The following NSMCE1 variants were observed in gnomAD, a reference collection of about 807,000 sequenced individuals.
NSMCE1 encodes NSE1 component of SMC5/6 complex.
Under a neutral mutation model 29.6 loss-of-function variants are expected in NSMCE1, and 18 were observed. The observed-to-expected ratio is 0.61, with a 90% CI of 0.42 to 0.90. The LOEUF (loss-of-function observed/expected upper bound fraction) is 0.90. NSMCE1 is among the 40% of genes least tolerant of loss of function. The pLI is 0.00. For missense variants in NSMCE1, 314 were observed against 343.6 expected, an observed-to-expected ratio of 0.91 and a Z score of 0.68; for synonymous variants, 124 against 133.4, an observed-to-expected ratio of 0.93 and a Z score of 0.49.
intron 2 of NSMCE1, among the ~76,000 whole-genome samples, chr16:27,249,605 C>T (rs2084000229): frequency 6.6e-6 from 1 of 152,202 alleles, no homozygotes; most frequent in Non-Finnish European, 1.5e-5. Context: ...TTATCTAGCT[C>T]TCTTATTTTT....
In NSMCE1 at chr16:27,232,242, A is replaced by C. The variant is rs997975991; in HGVS notation, c.483+759T>G. ...ACACACATGGGCACAAGCACCTGGG[A>C]GGCACAGCTGTGGTCAACTCGGCAA... On this transcript the variant is annotated intron_variant, in intron 5 of 7. Transcript: ENST00000361439. The surrounding 1 kb of genome is among the most constrained non-coding windows in gnomAD (Gnocchi z 4.5). Among the ~76,000 whole-genome samples, 1 of 152,186 alleles carries C rather than the reference A, an allele frequency of 6.6e-6. No individual in the cohort carries two copies. The highest frequency in any genetic ancestry group is 1.5e-5 in the Non-Finnish European group (1 of 68,028).
intron 1 of NSMCE1, among the ~76,000 whole-genome samples, chr16:27,267,505 C>T (rs897839076): frequency 9.9e-5 from 15 of 152,026 alleles, no homozygotes; most frequent in Non-Finnish European, 1.6e-4. Flanking sequence ...TTTTCAAGGA[C>T]ACTCTCTATC....
chr16:27,244,741 A>G (rs2083935265), intron 2 of NSMCE1, among the ~76,000 whole-genome samples: 1 of 152,232 alleles, frequency 6.6e-6, no homozygotes, highest in Admixed American at 6.5e-5. Flanking sequence ...TCCAGCACTT[A>G]GCACCCCAAA....
intron 2 of NSMCE1, among the ~76,000 whole-genome samples, chr16:27,237,887 A>T (rs936416486): frequency 7.2e-5 from 11 of 151,782 alleles, no homozygotes; most frequent in African/African-American, 2.2e-4. Context: ...ACTTCCTCCT[A>T]CTGTACTCGC....
chr16:27,238,422 T>G (rs1674845212), intron 2 of NSMCE1, among the ~76,000 whole-genome samples: 1 of 152,114 alleles, frequency 6.6e-6, no homozygotes, highest in African/African-American at 2.4e-5. Context: ...CAGCACTTCC[T>G]TCCTCATCAC....
intron 2 of NSMCE1, among the ~76,000 whole-genome samples, chr16:27,244,921 C>T (rs138433907): frequency 6.6e-6 from 1 of 152,218 alleles, no homozygotes; most frequent in Non-Finnish European, 1.5e-5. Flanking sequence ...CAAGTGGTGA[C>T]CATGCTTTGT....
chr16:27,268,722 A>G lies in NSMCE1; in HGVS notation c.-28T>C, dbSNP rs1596706406. ...GTTACCCACCAGGGAGCCCAAGCGC[A>G]TCCCAGGCCGCGCTAGCGGATACGG... On this transcript the variant is annotated 5_prime_UTR_variant, in exon 1 of 8. The change abolishes an upstream ATG in the 5' untranslated region. Transcript: ENST00000361439. 6.5e-6 allele frequency: 1 copy of G among 152,772 alleles called. No individual in the cohort carries two copies. Among genetic ancestry groups the G allele is most frequent in the Admixed American group, 6.5e-5 (1 of 15,286 alleles). The allele number at this position is 152,772 out of a possible 1,614,324, so 9.5% of individuals were successfully genotyped here.
chr16:27,226,004 T>C, intron 6 of NSMCE1, 158 bp from the exon 7 acceptor site: 1 of 774,998 alleles, frequency 1.3e-6, no homozygotes. Context: ...CTTAGTGCAG[T>C]GGAGTCTTTT....
At chr16:27,251,167 T>TATATATAA (rs1555477377) in intron 2 of NSMCE1, among the ~76,000 whole-genome samples, 2 of 63,798 alleles carry the variant, frequency 3.1e-5, no homozygotes, top group Non-Finnish European at 4.8e-5. Flanking sequence ...AAAATATATA[T>TATATATAA]ATATATATAT....
rs2083774980 is a variant in NSMCE1, at chr16:27,232,728, T to C, written c.483+273A>G. 6.6e-6 allele frequency among the ~76,000 whole-genome samples: 1 copy of C among 152,244 alleles called. No individual in the cohort carries two copies. The highest frequency in any genetic ancestry group is 2.4e-5 in the African/African-American group (1 of 41,454). On this transcript the variant is annotated intron_variant, in intron 5 of 7. Transcript: ENST00000361439. This position sits in a 1 kb window ranked among gnomAD's most constrained non-coding sequence, Gnocchi z 4.5. The stretch of plus-strand genomic sequence containing the variant: ...TGCAGTCTGTGGGCTAGAGCCTTGA[T>C]CCTGGGGCCCAAGTCCCTGGGCGCG...
At chr16:27,260,844 G>C (rs1347397134) in intron 1 of NSMCE1, among the ~76,000 whole-genome samples, 1 of 119,880 alleles carries the variant, frequency 8.3e-6, no homozygotes, top group Non-Finnish European at 1.7e-5. Context: ...GGGCAACAGA[G>C]TGAGACCCTG....
rs543594642 is a variant in NSMCE1, at chr16:27,259,833, C to T, written c.-11-2252G>A. ...TAAAGAGCAACAAGTAGACTGCCGG[C>T]TGCCATCACAATGGCAACAATGGAA... On this transcript the variant is annotated intron_variant, in intron 1 of 7. Transcript: ENST00000361439. Among the ~76,000 whole-genome samples, 98 of 152,340 alleles carry T rather than the reference C, an allele frequency of 6.4e-4. 1 individual carries two copies. The highest frequency in any genetic ancestry group is 2.2e-3 in the African/African-American group (92 of 41,580).
rs866879664 is a variant in NSMCE1 at position 27,232,727 on chromosome 16, A to G, written c.483+274T>C. Among the ~76,000 whole-genome samples the G allele has an allele frequency of 1.3e-5, 2 of 152,320 alleles. No individual in the cohort carries two copies. The highest frequency in any genetic ancestry group is 2.1e-4 in the South Asian group (1 of 4,830). On this transcript the variant is annotated intron_variant, in intron 5 of 7. Coordinates refer to ENST00000361439, the MANE Select transcript of NSMCE1 (RefSeq NM_145080.4). This position sits in a 1 kb window ranked among gnomAD's most constrained non-coding sequence, Gnocchi z 4.5. ...TTGCAGTCTGTGGGCTAGAGCCTTG[A>G]TCCTGGGGCCCAAGTCCCTGGGCGC...
At chr16:27,262,876 G>A (rs905864894) in intron 1 of NSMCE1, among the ~76,000 whole-genome samples, 3 of 152,058 alleles carry the variant, frequency 2.0e-5, no homozygotes, top group Non-Finnish European at 2.9e-5. Context: ...ATTAAAAACT[G>A]GGCAAAGGAC....
chr16:27,234,273 A>G lies in NSMCE1; in HGVS notation c.259-8T>C. On this transcript the variant is annotated splice_region_variant and splice_polypyrimidine_tract_variant and intron_variant, in intron 3 of 7. Coordinates refer to ENST00000361439, the MANE Select transcript of NSMCE1 (RefSeq NM_145080.4). ...AGTTGTAGCAAGATTCACCTAAGAA[A>G]TAAGTCAGCACGACAGTCAGGCTGT... 2 of 1,598,864 alleles carry G rather than the reference A, an allele frequency of 1.3e-6. No homozygotes were observed. Among genetic ancestry groups the G allele is most frequent in the Non-Finnish European group, 1.7e-6 (2 of 1,166,022 alleles).
chr16:27,241,790 G>A (rs567694281), intron 2 of NSMCE1: 84 of 445,474 alleles, frequency 1.9e-4, no homozygotes, highest in African/African-American at 1.6e-3. Context: ...CTGCAGCGCC[G>A]CTCCTCACCT....
At chr16:27,234,307 C>A (rs754474184) in intron 3 of NSMCE1, 42 bp from the exon 4 acceptor site, 2 of 1,389,194 alleles carry the variant, frequency 1.4e-6, no homozygotes, top group Non-Finnish European at 2.1e-6. Context: ...GTGCTCTTTG[C>A]GTGTTGGTTA....
intron 2 of NSMCE1, among the ~76,000 whole-genome samples, chr16:27,237,848 T>G (rs1272237898): frequency 2.0e-5 from 3 of 152,134 alleles, no homozygotes; most frequent in African/African-American, 7.2e-5. Context: ...AAACCATGAA[T>G]GTTTTGCTGT....
At chr16:27,257,326 G>T in intron 2 of NSMCE1, 109 bp downstream of exon 2, 2 of 839,880 alleles carry the variant, frequency 2.4e-6, no homozygotes, top group Non-Finnish European at 1.7e-6. Context: ...AGGCTTGAAT[G>T]CTCAGCTCAG....
Sources: allele counts gnomAD v4.1 joint callset (sites outside exome capture counted in the v4.1 genomes callset), GRCh38; gene constraint gnomAD v4.1.1; non-coding constraint Gnocchi (gnomAD v3.1); transcripts MANE v1.5; gene names NCBI Gene and HGNC (gene_info 2026-07-23, HGNC 2026-07-21).